SPAG17: variants seen among roughly 807,000 people sequenced by gnomAD.
SPAG17 encodes sperm associated antigen 17.
In SPAG17, 169 loss-of-function variants were observed where a neutral mutation model predicts 273.6. The observed-to-expected ratio is 0.62, with a 90% CI of 0.55 to 0.70. The LOEUF (loss-of-function observed/expected upper bound fraction) is 0.70. Ranked by LOEUF, SPAG17 falls within the 30% of genes least tolerant of loss-of-function variation. The probability of loss-of-function intolerance (pLI) is 0.00; values close to 1 mark genes in which losing one functional copy is unlikely to be tolerated. For synonymous variants in SPAG17, 825 were observed against 873.2 expected (o/e 0.94, Z 0.97); for missense variants, 2,557 against 2,627.8 (o/e 0.97, Z 0.59).
Position 118,118,195 on chromosome 1 carries a change from C to T in SPAG17, c.316-2754G>A, listed in dbSNP as rs187187764. Among the ~76,000 whole-genome samples, 7 of 152,240 alleles carry T rather than the reference C, an allele frequency of 4.6e-5. No individual in the cohort carries two copies. The East Asian group carries it at 1.4e-3, about 29-fold the overall frequency. On this transcript the variant is annotated intron_variant, in intron 3 of 48. Coordinates refer to ENST00000336338, the MANE Select transcript of SPAG17 (RefSeq NM_206996.4). Reference sequence around the variant, plus strand: ...AAATGTACCTTTTCACATAACATCTCCAAAGGTTTCTCCTCCCTGGCCTTA... The same window carrying T: ...AAATGTACCTTTTCACATAACATCTTCAAAGGTTTCTCCTCCCTGGCCTTA...
At chr1:117,959,464 CT>C (rs749151249) in intron 48 of SPAG17, 11,530 of 1,147,190 alleles carry the variant, frequency 0.01, 19 homozygotes, top group African/African-American at 0.031. Flanking sequence ...AATGTGGTAT[CT>C]TTTTTTTTTT....
At chr1:117,992,310 T>C (rs983308410) in intron 36 of SPAG17, among the ~76,000 whole-genome samples, 156 bp downstream of exon 36, 2 of 152,198 alleles carry the variant, frequency 1.3e-5, no homozygotes, top group African/African-American at 4.8e-5. Context: ...TTAAATATTT[T>C]CTACCTCTCA....
chr1:118,024,038 A>G (rs1647432585), intron 27 of SPAG17, among the ~76,000 whole-genome samples: 3 of 152,186 alleles, frequency 2.0e-5, no homozygotes, highest in Admixed American at 2.0e-4. Flanking sequence ...TTCCTTCAGG[A>G]AACTTTTGGG....
intron 3 of SPAG17, among the ~76,000 whole-genome samples, chr1:118,119,169 G>C (rs957406464): frequency 6.6e-6 from 1 of 152,164 alleles, no homozygotes; most frequent in Non-Finnish European, 1.5e-5. Context: ...GCATATATGT[G>C]CATATATAAG....
chr1:118,040,843 T>A lies in SPAG17; in HGVS notation c.3055-2A>T, dbSNP rs375834342. ...ATTTCCCATATTGTATCCGTGAAAC[T>A]AGAAGAGAAAATATTATGCTTTGAG... is the stretch of plus-strand genomic sequence containing the variant. On this transcript the variant is annotated splice_acceptor_variant, in intron 21 of 48. Coordinates refer to ENST00000336338, the MANE Select transcript of SPAG17 (RefSeq NM_206996.4). LOFTEE classifies it high-confidence loss of function. 6.5e-7 allele frequency: 1 copy of A among 1,531,856 alleles called. No homozygotes were observed. Among genetic ancestry groups the A allele is most frequent in the Non-Finnish European group, 9.1e-7 (1 of 1,104,574 alleles). 94.9% of individuals were successfully genotyped at this position (1,531,856 alleles called of 1,614,324 possible).
In SPAG17 at chr1:118,183,000, G is replaced by A. The variant is rs1661018329; in HGVS notation, c.87+2071C>T. Among the ~76,000 whole-genome samples the A allele has an allele frequency of 1.3e-5, 2 of 152,108 alleles. 1 individual carries two copies. The highest frequency in any genetic ancestry group is 4.1e-4 in the South Asian group (2 of 4,824). ...AGGACAACCTGAGACAGTGATACAA[G>A]GTAAATTCAATAAAACCAAAATGTG... On this transcript the variant is annotated intron_variant, in intron 1 of 48. Transcript: ENST00000336338.
intron 3 of SPAG17, among the ~76,000 whole-genome samples, chr1:118,130,919 A>G (rs1658021401): frequency 6.6e-6 from 1 of 152,186 alleles, no homozygotes; most frequent in African/African-American, 2.4e-5. Flanking sequence ...TAATCTTTAG[A>G]TACAGCACCA....
At chr1:118,040,906 G>T in intron 21 of SPAG17, 65 bp from the exon 22 acceptor site, 1 of 1,089,890 alleles carries the variant, frequency 9.2e-7, no homozygotes, top group Non-Finnish European at 1.4e-6. Context: ...ACTTATCAGT[G>T]TTAGCCAACT....
chr1:118,135,546 G>A (rs922658034), intron 3 of SPAG17, among the ~76,000 whole-genome samples: 19 of 152,080 alleles, frequency 1.2e-4, no homozygotes, highest in African/African-American at 3.6e-4. Context: ...TAGGTTCTAA[G>A]TGTTTCTGGA....
chr1:117,963,662 C>T, intron 48 of SPAG17, 137 bp downstream of exon 48: 16 of 801,332 alleles, frequency 2.0e-5, no homozygotes, highest in Non-Finnish European at 2.8e-5. Context: ...CCGGGCCCGG[C>T]CTAAACAAAT....
At chr1:118,115,724 G>T (rs1260302113) in intron 3 of SPAG17, among the ~76,000 whole-genome samples, 1 of 152,148 alleles carries the variant, frequency 6.6e-6, no homozygotes, top group Non-Finnish European at 1.5e-5. Flanking sequence ...CCAGGAAAAG[G>T]GTAGAGAAAA....
At chr1:117,969,424 C>A (rs1654295597) in intron 46 of SPAG17, among the ~76,000 whole-genome samples, 2 of 151,938 alleles carry the variant, frequency 1.3e-5, no homozygotes, top group Admixed American at 1.3e-4. Context: ...ACTAAAAATA[C>A]AAAAATTAGC....
At chr1:118,015,249 C>T (rs970251856) in intron 29 of SPAG17, among the ~76,000 whole-genome samples, 34 of 142,568 alleles carry the variant, frequency 2.4e-4, no homozygotes, top group Non-Finnish European at 4.8e-4. Flanking sequence ...CCAGCCTGGG[C>T]GACAACAGCA....
rs139331283 is a variant in SPAG17, at chr1:117,976,485, T to C, written c.6005-2924A>G. Reference sequence around the variant, plus strand: ...TTGACTCTGAGCTTGGCTACGGCACTTGCTTTAACCAACAAATGTGTCTGT... The same window carrying C: ...TTGACTCTGAGCTTGGCTACGGCACCTGCTTTAACCAACAAATGTGTCTGT... On this transcript the variant is annotated intron_variant, in intron 43 of 48. Coordinates refer to ENST00000336338, the MANE Select transcript of SPAG17 (RefSeq NM_206996.4). Among the ~76,000 whole-genome samples, 242 of 152,308 alleles carry C rather than the reference T, an allele frequency of 1.6e-3. 1 individual carries two copies. Among genetic ancestry groups the C allele is most frequent in the Middle Eastern group, 6.8e-3 (2 of 294 alleles).
chr1:118,129,541 T>G (rs142840993), intron 3 of SPAG17, among the ~76,000 whole-genome samples: 1 of 152,194 alleles, frequency 6.6e-6, no homozygotes. Flanking sequence ...TGGCCTTTCA[T>G]AATAATGTAT....
intron 1 of SPAG17, among the ~76,000 whole-genome samples, chr1:118,184,720 G>A (rs887700397): frequency 6.6e-6 from 1 of 152,142 alleles, no homozygotes; most frequent in African/African-American, 2.4e-5. Context: ...TCCTTTAGAA[G>A]GTTTCAGGAG....
rs1553254756 is a variant in SPAG17, at chr1:118,136,833, T to TGTGTGTGTG, written c.315+13709_315+13710insCACACACAC. Among the ~76,000 whole-genome samples, 32 of 137,558 alleles carry TGTGTGTGTG rather than the reference T, an allele frequency of 2.3e-4. No homozygotes were observed. The East Asian group carries it at 3.4e-3, about 15-fold the overall frequency. The allele number at this position is 137,558 out of a possible 152,430, so 90.2% of individuals were successfully genotyped here. ...TGTGTGTGTGTGTGTGTGTGTGTGT[T>TGTGTGTGTG]TTTAATGATGGAGGAATCATGAAAT... On this transcript the variant is annotated intron_variant, in intron 3 of 48. Coordinates refer to ENST00000336338, the MANE Select transcript of SPAG17 (RefSeq NM_206996.4).
In SPAG17 at chr1:118,138,187, A is replaced by G. The variant is rs117282811; in HGVS notation, c.315+12356T>C. 2.6e-5 allele frequency among the ~76,000 whole-genome samples: 4 copies of G among 152,334 alleles called. No individual in the cohort carries two copies. In the East Asian group the frequency reaches 5.8e-4, roughly 22 times the overall value. On this transcript the variant is annotated intron_variant, in intron 3 of 48. Transcript: ENST00000336338. ...ACTCAATTATAACCACGGCTTAAAT[A>G]TACAGCTTTTATATCTGGCTTCTTA...
chr1:118,172,058 A>G (rs954200930), intron 1 of SPAG17, among the ~76,000 whole-genome samples: 1 of 152,202 alleles, frequency 6.6e-6, no homozygotes, highest in African/African-American at 2.4e-5. Context: ...TCAGCCTGTA[A>G]AAGTAATAAT....
Sources: gnomAD v4.1 joint callset for allele counts (sites outside exome capture counted in the v4.1 genomes callset) on GRCh38, gnomAD v4.1.1 for gene constraint, MANE v1.5 for transcripts, NCBI Gene and HGNC (gene_info 2026-07-23, HGNC 2026-07-21) for gene names.